Variants in KIAA2012 observed in about 807,000 individuals in gnomAD.
The protein encoded by KIAA2012 is uncharacterized protein KIAA2012.
KIAA2012 carries 125 observed loss-of-function variants against 150.6 expected under a neutral mutation model. The ratio of observed to expected loss-of-function variants is 0.83; its 90% CI spans 0.72 to 0.96. The LOEUF (loss-of-function observed/expected upper bound fraction) is 0.96, where lower values mean the gene tolerates loss of function less well. Among genes scored for constraint, KIAA2012 ranks in the 40% least tolerant of loss-of-function variants. The probability of loss-of-function intolerance (pLI) is 0.00; values close to 1 mark genes in which losing one functional copy is unlikely to be tolerated. For missense variants in KIAA2012, 1,219 were observed against 1,354.9 expected, an observed-to-expected ratio of 0.90 and a Z score of 1.57; for synonymous variants, 462 against 504.7, an observed-to-expected ratio of 0.92 and a Z score of 1.13.
At chr2:202,092,173 T>TAC (rs550609362) in intron 3 of KIAA2012, among the ~76,000 whole-genome samples, 14 of 152,264 alleles carry the variant, frequency 9.2e-5, no homozygotes, top group South Asian at 6.2e-4. Context: ...TAAGGAAAGA[T>TAC]ACACACACAC....
At chr2:202,092,920 G>T in intron 3 of KIAA2012, 110 bp from the exon 4 acceptor site, 1 of 857,734 alleles carries the variant, frequency 1.2e-6, no homozygotes, top group Non-Finnish European at 1.8e-6. Flanking sequence ...TTCCCTAATG[G>T]GCAATGTCCA....
At chr2:202,192,457 T>C (rs1466409307) in intron 19 of KIAA2012, among the ~76,000 whole-genome samples, 6 of 149,284 alleles carry the variant, frequency 4.0e-5, no homozygotes, top group African/African-American at 1.5e-4. Flanking sequence ...ATAGCTTCTT[T>C]TTTTTTTTTT....
In KIAA2012 at chr2:202,104,884, G is replaced by A. The variant is rs1044600928; in HGVS notation, c.1325-877G>A. Reference sequence around the variant, plus strand: ...CAATACTATTCACAAGATTGGGTTCGATCTGATTATTTTCCATGATGACCC... The same window carrying A: ...CAATACTATTCACAAGATTGGGTTCAATCTGATTATTTTCCATGATGACCC... On this transcript the variant is annotated intron_variant, in intron 8 of 23. Transcript: ENST00000498697. The surrounding 1 kb of genome is among the most constrained non-coding windows in gnomAD (Gnocchi z 4.3). 1.3e-5 allele frequency among the ~76,000 whole-genome samples: 2 copies of A among 152,152 alleles called. No homozygotes were observed. Among genetic ancestry groups the A allele is most frequent in the African/African-American group, 2.4e-5 (1 of 41,434 alleles).
At chr2:202,103,548 G>A (rs984160393) in intron 8 of KIAA2012, among the ~76,000 whole-genome samples, 11 of 152,150 alleles carry the variant, frequency 7.2e-5, no homozygotes, top group Admixed American at 1.3e-4. Context: ...TGAATTCATG[G>A]TTTGAAGTAA....
chr2:202,073,856 A>C, intron 1 of KIAA2012, 145 bp downstream of exon 1: 1 of 646,040 alleles, frequency 1.5e-6, no homozygotes, highest in Non-Finnish European at 2.7e-6. Context: ...TTCCTCCTTC[A>C]TGAAACTCAA....
At chr2:202,154,203 T>G (rs1691480137) in intron 13 of KIAA2012, among the ~76,000 whole-genome samples, 1 of 152,268 alleles carries the variant, frequency 6.6e-6, no homozygotes, top group African/African-American at 2.4e-5. Flanking sequence ...AATCTTGCTA[T>G]AACCATATTT....
chr2:202,080,992 AACT>A (rs938552149), intron 2 of KIAA2012, among the ~76,000 whole-genome samples: 78 of 152,302 alleles, frequency 5.1e-4, no homozygotes, highest in African/African-American at 1.8e-3. Context: ...ATGAAACAGT[AACT>A]CCCCATTTCC....
At chr2:202,091,419 C>T (rs986614299) in intron 3 of KIAA2012, among the ~76,000 whole-genome samples, 2 of 152,172 alleles carry the variant, frequency 1.3e-5, no homozygotes, top group African/African-American at 4.8e-5. Flanking sequence ...CCCAGGTCCT[C>T]CCGGAAGTGA....
At chr2:202,090,102 T>A (rs1689679515) in intron 2 of KIAA2012, among the ~76,000 whole-genome samples, 1 of 152,250 alleles carries the variant, frequency 6.6e-6, no homozygotes, top group Non-Finnish European at 1.5e-5. Context: ...TCTGAGAGTT[T>A]CTACATCACT....
chr2:202,159,254 C>T (rs987578275), intron 14 of KIAA2012, among the ~76,000 whole-genome samples: 2 of 152,076 alleles, frequency 1.3e-5, no homozygotes, highest in East Asian at 3.8e-4. Context: ...ATCATTTAAA[C>T]GTGCCTTGAT....
chr2:202,155,164 G>C (rs1173334359), intron 14 of KIAA2012, among the ~76,000 whole-genome samples: 1 of 152,190 alleles, frequency 6.6e-6, no homozygotes, highest in Admixed American at 6.6e-5. Flanking sequence ...TCACTTGGTA[G>C]AGTTGATATT....
chr2:202,196,725 T>G, intron 21 of KIAA2012, 75 bp from the exon 22 acceptor site: 5 of 1,491,786 alleles, frequency 3.4e-6, no homozygotes, highest in Non-Finnish European at 3.6e-6. Context: ...GAATCACAGA[T>G]TTGAGAGTTG....
At chr2:202,183,705 C>A (rs1166324668) in intron 15 of KIAA2012, among the ~76,000 whole-genome samples, 1 of 152,096 alleles carries the variant, frequency 6.6e-6, no homozygotes, top group African/African-American at 2.4e-5. Context: ...GGGGTTTCAC[C>A]ATGTTAGCCA....
intron 19 of KIAA2012, among the ~76,000 whole-genome samples, chr2:202,191,231 C>T (rs138575369): frequency 0.015 from 2,258 of 150,510 alleles, 28 homozygotes; most frequent in South Asian, 0.045. Flanking sequence ...GAGCCGAGAT[C>T]ACACCACTGC....
intron 7 of KIAA2012, among the ~76,000 whole-genome samples, chr2:202,101,319 C>T (rs1690038221): frequency 6.6e-6 from 1 of 152,218 alleles, no homozygotes. Context: ...TCAAGATTTT[C>T]TCAGATTTCC....
chr2:202,087,214 T>C (rs1315582515), intron 2 of KIAA2012, among the ~76,000 whole-genome samples: 2 of 151,990 alleles, frequency 1.3e-5, no homozygotes, highest in African/African-American at 2.4e-5. Flanking sequence ...TCTGACCCTT[T>C]ATAAAAAACC....
rs534159244 is a variant in KIAA2012, at chr2:202,157,579, T to C, written c.2046+2769T>C. Among the ~76,000 whole-genome samples the C allele has an allele frequency of 1.7e-4, 26 of 152,330 alleles. No individual in the cohort carries two copies. In the South Asian group the frequency reaches 5.4e-3, roughly 32 times the overall value. On this transcript the variant is annotated intron_variant, in intron 14 of 23. Coordinates refer to ENST00000498697, the MANE Select transcript of KIAA2012 (RefSeq NM_001277372.4). ...CTGTGTCTGGCTTTGTTCTAAATTG[T>C]ATATGCATGCATTTATTTAATTCAT... is the stretch of plus-strand genomic sequence containing the variant.
chr2:202,083,244 C>T (rs1689489659), intron 2 of KIAA2012, among the ~76,000 whole-genome samples: 1 of 152,194 alleles, frequency 6.6e-6, no homozygotes, highest in Non-Finnish European at 1.5e-5. Flanking sequence ...TGCACAGAAT[C>T]CCAAAAATTA....
intron 14 of KIAA2012, among the ~76,000 whole-genome samples, chr2:202,157,366 C>T (rs146845852): frequency 3.0e-4 from 46 of 152,338 alleles, no homozygotes; most frequent in African/African-American, 1.1e-3. Flanking sequence ...GAAACCAACT[C>T]ATCCTATACA....
Sources: allele counts gnomAD v4.1 joint callset (sites outside exome capture counted in the v4.1 genomes callset), GRCh38; gene constraint gnomAD v4.1.1; non-coding constraint Gnocchi (gnomAD v3.1); transcripts MANE v1.5; gene names NCBI Gene and HGNC (gene_info 2026-07-23, HGNC 2026-07-21).